CYP4F22: variants seen among roughly 807,000 people sequenced by gnomAD.
CYP4F22 encodes ultra-long-chain fatty acid omega-hydroxylase.
CYP4F22 carries 37 observed loss-of-function variants against 60.4 expected under a neutral mutation model. The ratio of observed to expected loss-of-function variants is 0.61; its 90% CI spans 0.47 to 0.81. The LOEUF (loss-of-function observed/expected upper bound fraction) is 0.81. CYP4F22 is among the 30% of genes least tolerant of loss of function. The pLI is 0.00. For synonymous variants in CYP4F22, 258 were observed against 280.5 expected, an observed-to-expected ratio of 0.92 and a Z score of 0.80; for missense variants, 655 against 715.0, an observed-to-expected ratio of 0.92 and a Z score of 0.96.
At chr19:15,529,573 A>C in intron 3 of CYP4F22, 136 bp from the exon 4 acceptor site, 1 of 1,140,704 alleles carries the variant, frequency 8.8e-7, no homozygotes, top group Non-Finnish European at 1.3e-6. Context: ...AGGCCCAGGG[A>C]GGTGCAGCCA....
At chr19:15,538,104 C>T (rs1237103843) in intron 7 of CYP4F22, 111 bp downstream of exon 7, 1 of 1,466,258 alleles carries the variant, frequency 6.8e-7, no homozygotes, top group East Asian at 2.3e-5. Flanking sequence ...GGGAGCTCTG[C>T]CACGGATGGG....
At chr19:15,537,747 A>G in intron 6 of CYP4F22, 85 bp downstream of exon 6, 2 of 1,607,116 alleles carry the variant, frequency 1.2e-6, no homozygotes, top group Non-Finnish European at 1.7e-6. Context: ...AAGCCATGTG[A>G]TGTCAGGAGC....
At chr19:15,541,385 T>G (rs748497498) in intron 8 of CYP4F22, among the ~76,000 whole-genome samples, 4 of 152,182 alleles carry the variant, frequency 2.6e-5, no homozygotes, top group Non-Finnish European at 4.4e-5. Flanking sequence ...TCATCTTCCC[T>G]CTGTGCCTGT....
intron 1 of CYP4F22, among the ~76,000 whole-genome samples, chr19:15,518,952 G>A (rs1424196243): frequency 4.6e-5 from 7 of 152,076 alleles, no homozygotes; most frequent in Non-Finnish European, 8.8e-5. Context: ...GGATTCTGAA[G>A]ATGTTTAGGA....
intron 7 of CYP4F22, among the ~76,000 whole-genome samples, chr19:15,539,677 T>C (rs961044263): frequency 5.3e-5 from 8 of 152,244 alleles, no homozygotes; most frequent in Non-Finnish European, 8.8e-5. Flanking sequence ...CAACCAGTGA[T>C]GTATGAGAGC....
At chr19:15,550,855 C>G (rs867432703) in intron 13 of CYP4F22, 99 bp downstream of exon 13, 5 of 1,429,816 alleles carry the variant, frequency 3.5e-6, no homozygotes, top group South Asian at 3.4e-5. Flanking sequence ...CAGATGGCAC[C>G]CAGGCGTCCT....
At chr19:15,549,253 G>T (rs748636198) in intron 12 of CYP4F22, 51 bp downstream of exon 12, 2 of 1,594,092 alleles carry the variant, frequency 1.3e-6, no homozygotes, top group Non-Finnish European at 1.7e-6. Flanking sequence ...CCTCCCCTGC[G>T]CCCCAGGGAG....
chr19:15,528,495 CA>C (rs992411371), intron 3 of CYP4F22, among the ~76,000 whole-genome samples: 3 of 152,166 alleles, frequency 2.0e-5, no homozygotes, highest in Admixed American at 6.6e-5. Context: ...CTCTGCCCTC[CA>C]AAGCTCCCCA....
chr19:15,548,385 G>A (rs772744883), intron 11 of CYP4F22, 144 bp downstream of exon 11: 58 of 1,329,978 alleles, frequency 4.4e-5, no homozygotes, highest in Admixed American at 1.0e-4. Context: ...TGCTTCTGGG[G>A]TGTTGGAGAA....
At chr19:15,544,679 C>T (rs1971501309) in intron 10 of CYP4F22, among the ~76,000 whole-genome samples, 1 of 152,136 alleles carries the variant, frequency 6.6e-6, no homozygotes, top group South Asian at 2.1e-4. Flanking sequence ...TCATATACTC[C>T]CTTTCTGTTC....
At chr19:15,521,650 TTATAG>T (rs1365878141) in intron 1 of CYP4F22, among the ~76,000 whole-genome samples, 6 of 152,104 alleles carry the variant, frequency 3.9e-5, no homozygotes, top group African/African-American at 1.4e-4. Context: ...AATGGATGGA[TTATAG>T]GGTAATTCTA....
intron 1 of CYP4F22, among the ~76,000 whole-genome samples, chr19:15,510,968 T>TATATATATA (rs1568351389): frequency 8.6e-5 from 6 of 69,532 alleles, no homozygotes; most frequent in African/African-American, 3.2e-4. Flanking sequence ...ATATATATAT[T>TATATATATA]TTTTTTTTTT....
chr19:15,528,917 A>T (rs1163492582), intron 3 of CYP4F22, among the ~76,000 whole-genome samples: 1 of 152,010 alleles, frequency 6.6e-6, no homozygotes, highest in Non-Finnish European at 1.5e-5. Flanking sequence ...GCCAACCATG[A>T]TCATTATTGT....
chr19:15,544,877 A>G (rs926825827), intron 10 of CYP4F22, among the ~76,000 whole-genome samples: 5 of 152,140 alleles, frequency 3.3e-5, no homozygotes, highest in Non-Finnish European at 7.4e-5. Flanking sequence ...CCTGGCCAAC[A>G]TGGTGAAACC....
chr19:15,548,355 A>G (rs1755814664), intron 11 of CYP4F22, 114 bp downstream of exon 11: 1 of 1,492,362 alleles, frequency 6.7e-7, no homozygotes, highest in African/African-American at 1.4e-5. Context: ...TGCAGATGGG[A>G]TAGCTCTCTG....
At position 15,540,527 on chromosome 19, in the gene CYP4F22, A is replaced by C; in HGVS notation, c.749A>C (p.Tyr250Ser). The change falls in exon 8 of 14, where the codon TAC becomes TCC. Residue 250 changes from tyrosine (Y) to serine (S), a missense_variant. Around this residue, in one of 3 missense-constraint regions of CYP4F22, gnomAD observed 430 missense variants for 457.1 expected, o/e 0.94. Transcript: ENST00000269703. ...SVRRQYRLHH[Y>S]LDFIYYRSAD... The stretch of plus-strand genomic sequence containing the variant: ...CGGCGCCAGTATCGCTTGCACCACT[A>C]CCTCGACTTCATTTACTACCGCTCG... The C allele has an allele frequency of 1.9e-6, 3 of 1,613,996 alleles. No homozygotes were observed. Among genetic ancestry groups the C allele is most frequent in the African/African-American group, 1.3e-5 (1 of 74,968 alleles).
In CYP4F22 at chr19:15,540,654, G is replaced by A. The variant is rs777093774; in HGVS notation, c.876G>A (p.Glu292=). 2.5e-6 allele frequency: 4 copies of A among 1,614,128 alleles called. No homozygotes were observed. The African/African-American group carries it at 4.0e-5, about 16-fold the overall frequency. Residue 292 remains glutamate, a synonymous_variant, in exon 8 of 14, where the codon GAG becomes GAA. Coordinates refer to ENST00000269703, the MANE Select transcript of CYP4F22 (RefSeq NM_173483.4). ...RRRALRQQGA[E]AWLKAKQGKT... is the part of the protein sequence containing the mutation. The stretch of plus-strand genomic sequence containing the variant: ...GGGCACTGCGTCAGCAGGGGGCCGA[G>A]GCCTGGCTTAAGGCCAAGCAGGGGA...
Position 15,537,890 on chromosome 19 carries a change from G to A in CYP4F22, c.568G>A (p.Ala190Thr). The change falls in exon 7 of 14, where the codon GCA (alanine) becomes ACA (threonine). Residue 190 changes from alanine to threonine, a missense_variant. Coordinates refer to ENST00000269703, the MANE Select transcript of CYP4F22 (RefSeq NM_173483.4). Reference protein sequence around the residue: ...DIMHAKWRHLAEGSAVSLDMF... With the variant: ...DIMHAKWRHLTEGSAVSLDMF... Reference sequence around the variant, plus strand: ...CTTCCAGGCTAAATGGCGGCATCTGGCAGAGGGCTCAGCGGTCTCCCTTGA... The same window carrying A: ...CTTCCAGGCTAAATGGCGGCATCTGACAGAGGGCTCAGCGGTCTCCCTTGA... 2 of 1,614,008 alleles carry A rather than the reference G, an allele frequency of 1.2e-6. No individual in the cohort carries two copies. Among genetic ancestry groups the A allele is most frequent in the Non-Finnish European group, 1.7e-6 (2 of 1,180,026 alleles).
chr19:15,549,246 C>A (rs780315611), intron 12 of CYP4F22, 44 bp downstream of exon 12: 1 of 1,606,164 alleles, frequency 6.2e-7, no homozygotes, highest in Non-Finnish European at 8.5e-7. Context: ...GTCCTCCCCT[C>A]CCCTGCGCCC....
Sources: gnomAD v4.1 joint callset for allele counts (sites outside exome capture counted in the v4.1 genomes callset) on GRCh38, gnomAD v4.1.1 for gene constraint, gnomAD v4.1.1 regional missense constraint, MANE v1.5 for transcripts, NCBI Gene and HGNC (gene_info 2026-07-23, HGNC 2026-07-21) for gene names.